NRDC: variants seen among roughly 807,000 people sequenced by gnomAD.
NRDC encodes the protein nardilysin.
A neutral mutation model predicts 147.1 loss-of-function variants in NRDC; 54 were observed. That is an observed-to-expected ratio of 0.37 (90% CI 0.29 to 0.46). NRDC has a LOEUF of 0.46. Among genes scored for constraint, NRDC ranks in the 20% least tolerant of loss-of-function variants. The pLI is 1.00. For missense variants in NRDC, 1,082 were observed against 1,370.6 expected (o/e 0.79, Z 3.33); for synonymous variants, 440 against 482.1 (o/e 0.91, Z 1.14).
intron 15 of NRDC, among the ~76,000 whole-genome samples, 184 bp downstream of exon 15, chr1:51,811,810 T>A (rs1400320610): frequency 6.6e-6 from 1 of 152,204 alleles, no homozygotes; most frequent in Non-Finnish European, 1.5e-5. Flanking sequence ...TATTAAAACT[T>A]AATTATGTAA....
At position 51,845,260 on chromosome 1, in the gene NRDC, G is replaced by C. The variant is rs1681496144; in HGVS notation, c.342-4746C>G. ...GGGGCCCTTGACCCAGATAAAGTAT[G>C]TGCCCGACTGCTCTACCTCTTTCAA... On this transcript the variant is annotated intron_variant, in intron 1 of 30. Transcript: ENST00000352171. Among the ~76,000 whole-genome samples, 5 of 152,256 alleles carry C rather than the reference G, an allele frequency of 3.3e-5. No individual in the cohort carries two copies. The South Asian group carries it at 1.0e-3, about 32-fold the overall frequency.
chr1:51,877,660 G>A (rs964001361), intron 1 of NRDC, among the ~76,000 whole-genome samples: 4 of 152,148 alleles, frequency 2.6e-5, no homozygotes, highest in African/African-American at 9.7e-5. Flanking sequence ...GAATTTCAAG[G>A]TTAGAAGAAA....
At chr1:51,832,403 A>G (rs1225761756) in intron 4 of NRDC, among the ~76,000 whole-genome samples, 1 of 152,122 alleles carries the variant, frequency 6.6e-6, no homozygotes. Context: ...TTTTTTGGTC[A>G]TTTATCTTTT....
At chr1:51,820,376 C>T (rs1680161210) in intron 8 of NRDC, among the ~76,000 whole-genome samples, 1 of 152,070 alleles carries the variant, frequency 6.6e-6, no homozygotes, top group Admixed American at 6.5e-5. Flanking sequence ...ACAGTTGATG[C>T]AAATTAGTAT....
intron 17 of NRDC, among the ~76,000 whole-genome samples, chr1:51,808,320 T>C (rs1430033603): frequency 6.6e-6 from 1 of 152,194 alleles, no homozygotes; most frequent in Non-Finnish European, 1.5e-5. Flanking sequence ...CCTCAGCCCC[T>C]AGCAATCATC....
chr1:51,876,622 CA>C (rs1463958271), intron 1 of NRDC, among the ~76,000 whole-genome samples: 1 of 152,156 alleles, frequency 6.6e-6, no homozygotes, highest in Non-Finnish European at 1.5e-5. Context: ...TCAACCTGTA[CA>C]ATCACATCTT....
rs375819731 is a variant in NRDC, at chr1:51,854,985, T to C, written c.342-14471A>G. Among the ~76,000 whole-genome samples, 12 of 152,332 alleles carry C rather than the reference T, an allele frequency of 7.9e-5. No homozygotes were observed. In the East Asian group the frequency reaches 1.7e-3, roughly 22 times the overall value. On this transcript the variant is annotated intron_variant, in intron 1 of 30. Coordinates refer to ENST00000352171, the MANE Select transcript of NRDC (RefSeq NM_001101662.2). ...TTTCTGAGGGGCCTGGAGAAGGTTA[T>C]ACCCATGAGCCAGTGCTAACATTCT...
chr1:51,861,944 G>A (rs1338220965), intron 1 of NRDC, among the ~76,000 whole-genome samples: 1 of 152,112 alleles, frequency 6.6e-6, no homozygotes, highest in Non-Finnish European at 1.5e-5. Flanking sequence ...GACTCAGGAA[G>A]GGCCAGGTGG....
At chr1:51,828,843 G>A (rs2405861) in intron 4 of NRDC, among the ~76,000 whole-genome samples, 77,162 of 151,256 alleles carry the variant, frequency 0.51, 20,898 homozygotes, top group East Asian at 0.93. Context: ...CTCAACCTCC[G>A]AAGTAGCTGA....
intron 23 of NRDC, 29 bp downstream of exon 23, chr1:51,794,794 A>T: frequency 6.2e-7 from 1 of 1,613,214 alleles, no homozygotes; most frequent in Non-Finnish European, 8.5e-7. Context: ...AAGAACACAT[A>T]ACCCCAAAGA....
At chr1:51,840,050 A>G (rs1270953349) in intron 2 of NRDC, 176 bp downstream of exon 2, 3 of 522,736 alleles carry the variant, frequency 5.7e-6, no homozygotes, top group Non-Finnish European at 6.7e-6. Context: ...ATGAGCATTT[A>G]CTACTTTTAT....
At chr1:51,814,121 C>T (rs974382875) in intron 13 of NRDC, 32 bp from the exon 14 acceptor site, 2 of 1,429,634 alleles carry the variant, frequency 1.4e-6, no homozygotes, top group Non-Finnish European at 2.0e-6. Flanking sequence ...TTAGAAGATA[C>T]ATTAAAATTT....
At chr1:51,873,308 C>T (rs938705139) in intron 1 of NRDC, among the ~76,000 whole-genome samples, 1 of 152,118 alleles carries the variant, frequency 6.6e-6, no homozygotes, top group Non-Finnish European at 1.5e-5. Context: ...CACTAGCAAA[C>T]TATTCAGGAA....
intron 1 of NRDC, among the ~76,000 whole-genome samples, chr1:51,868,540 T>C (rs1012811619): frequency 1.3e-5 from 2 of 152,186 alleles, no homozygotes; most frequent in South Asian, 2.1e-4. Context: ...TCCTCAGTAA[T>C]GTATTTTCAT....
intron 17 of NRDC, among the ~76,000 whole-genome samples, chr1:51,807,122 C>T (rs1043033106): frequency 2.6e-5 from 4 of 152,138 alleles, no homozygotes; most frequent in East Asian, 1.9e-4. Context: ...TGGAATTTCC[C>T]AAGAACTGAT....
chr1:51,864,007 T>G (rs1387104393), intron 1 of NRDC, among the ~76,000 whole-genome samples: 1 of 152,156 alleles, frequency 6.6e-6, no homozygotes, highest in Admixed American at 6.5e-5. Flanking sequence ...TTGGGGAAAA[T>G]CATCCAACAC....
intron 1 of NRDC, among the ~76,000 whole-genome samples, chr1:51,871,515 T>TAAAAAAAAA (rs60495773): frequency 9.5e-5 from 2 of 21,018 alleles, no homozygotes; most frequent in East Asian, 1.8e-3. Context: ...ACTGGTTCAT[T>TAAAAAAAAA]AAAAAAAAAA....
At chr1:51,876,223 C>T (rs544378186) in intron 1 of NRDC, among the ~76,000 whole-genome samples, 18 of 152,086 alleles carry the variant, frequency 1.2e-4, no homozygotes, top group Non-Finnish European at 2.6e-4. Context: ...AAACTAAGCA[C>T]CTTTTATCAA....
At position 51,816,326 on chromosome 1, in the gene NRDC, A is replaced by G. The variant is rs770379584; in HGVS notation, c.1425T>C (p.Ser475=). The change falls in exon 11 of 31, where the codon TCT becomes TCC. Residue 475 remains serine, a synonymous_variant. Coordinates refer to ENST00000352171, the MANE Select transcript of NRDC (RefSeq NM_001101662.2). ...VGHEGKGSIL[S]FLRKKCWALA... is the part of the protein sequence containing the mutation. ...TGAATACTTGCTTTTTCCTAAGGAAAGAAAGAATGCTGCCTTTGCCTTCAT... is the reference window on the plus strand; with the variant it reads ...TGAATACTTGCTTTTTCCTAAGGAAGGAAAGAATGCTGCCTTTGCCTTCAT... The G allele has an allele frequency of 1.9e-6, 3 of 1,596,790 alleles. No individual in the cohort carries two copies. Among genetic ancestry groups the G allele is most frequent in the South Asian group, 1.1e-5 (1 of 87,910 alleles).
Sources: gnomAD v4.1 joint callset for allele counts (sites outside exome capture counted in the v4.1 genomes callset) on GRCh38, gnomAD v4.1.1 for gene constraint, MANE v1.5 for transcripts, NCBI Gene and HGNC (gene_info 2026-07-23, HGNC 2026-07-21) for gene names.